Variants in C10orf90 observed in about 807,000 individuals in gnomAD.
C10orf90 encodes chromosome 10 open reading frame 90.
In C10orf90, 56 loss-of-function variants were observed where a neutral mutation model predicts 62.5. That is an observed-to-expected ratio of 0.90 (90% confidence interval 0.72 to 1.12). The LOEUF is 1.12. C10orf90 is among the 50% of genes most tolerant of loss of function. The pLI is 0.00. For missense variants in C10orf90, 970 were observed against 880.4 expected (o/e 1.10, Z -1.29); for synonymous variants, 386 against 340.4 (o/e 1.13, Z -1.47).
At chr10:126,551,029 CA>C (rs1335725784) in intron 2 of C10orf90, among the ~76,000 whole-genome samples, 1 of 152,150 alleles carries the variant, frequency 6.6e-6, no homozygotes, top group Admixed American at 6.5e-5. Context: ...CCTAACATCT[CA>C]ATCATTACAT....
At position 126,515,167 on chromosome 10, in the gene C10orf90, T is replaced by C. The variant is rs1030166310; in HGVS notation, c.314-1228A>G. Reference sequence around the variant, plus strand: ...ATATGACAGTGGTCCAATAAGATTATAATGGAGCTGAAAAATTCTTATCAC... The same window carrying C: ...ATATGACAGTGGTCCAATAAGATTACAATGGAGCTGAAAAATTCTTATCAC... On this transcript the variant is annotated intron_variant, in intron 2 of 9. Transcript: ENST00000488181. Among the ~76,000 whole-genome samples, 5 of 152,328 alleles carry C rather than the reference T, an allele frequency of 3.3e-5. No homozygotes were observed. The East Asian group carries it at 9.7e-4, about 29-fold the overall frequency.
At chr10:126,502,598 A>G (rs1216129358) in intron 4 of C10orf90, 1 of 246,606 alleles carries the variant, frequency 4.1e-6, no homozygotes, top group Non-Finnish European at 8.2e-6. Context: ...TTATTAATGA[A>G]GAGCCTTTGG....
At chr10:126,661,202 A>G (rs1191561415) in intron 1 of C10orf90, among the ~76,000 whole-genome samples, 1 of 152,212 alleles carries the variant, frequency 6.6e-6, no homozygotes, top group Non-Finnish European at 1.5e-5. Context: ...TCTTTGTGCC[A>G]TGGCTCTATG....
chr10:126,534,925 C>A (rs1456105686), intron 2 of C10orf90, among the ~76,000 whole-genome samples: 1 of 152,178 alleles, frequency 6.6e-6, no homozygotes, highest in African/African-American at 2.4e-5. Flanking sequence ...CGCCTCCTGG[C>A]AGCAGTGGGC....
chr10:126,524,162 T>TG (rs1276200543), intron 2 of C10orf90, among the ~76,000 whole-genome samples: 4 of 152,070 alleles, frequency 2.6e-5, no homozygotes, highest in African/African-American at 9.7e-5. Context: ...GAGAGGTGGG[T>TG]GGGGGTGGCA....
intron 2 of C10orf90, among the ~76,000 whole-genome samples, chr10:126,576,767 A>G (rs1844634605): frequency 7.1e-6 from 1 of 139,916 alleles, no homozygotes; most frequent in African/African-American, 2.6e-5. Context: ...TAATATGTAT[A>G]TGTACATATA....
intron 2 of C10orf90, among the ~76,000 whole-genome samples, chr10:126,576,731 T>A (rs1433510349): frequency 0.015 from 569 of 38,524 alleles, 63 homozygotes; most frequent in African/African-American, 0.057. Flanking sequence ...TATACATATA[T>A]ATGTATATGT....
chr10:126,436,876 A>G (rs971334640), intron 7 of C10orf90, among the ~76,000 whole-genome samples: 1 of 151,962 alleles, frequency 6.6e-6, no homozygotes, highest in Non-Finnish European at 1.5e-5. Context: ...GTTGCCCAAG[A>G]TGGTCTTAAA....
At chr10:126,429,415 AAT>A (rs1196299923) in intron 8 of C10orf90, among the ~76,000 whole-genome samples, 18 of 152,176 alleles carry the variant, frequency 1.2e-4, no homozygotes, top group African/African-American at 4.3e-4. Context: ...CCTTAGGAGA[AAT>A]AGTTTCTCTC....
rs773574113 is a variant in C10orf90 at position 126,504,547 on chromosome 10, T to C, written c.944A>G (p.Glu315Gly). 6 of 1,614,192 alleles carry C rather than the reference T, an allele frequency of 3.7e-6. No individual in the cohort carries two copies. The highest frequency in any genetic ancestry group is 5.1e-6 in the Non-Finnish European group (6 of 1,180,024). Residue 315 changes from glutamate to glycine, a missense_variant, in exon 4 of 10, where the codon GAG (glutamate) becomes GGG (glycine). Transcript: ENST00000488181. The surrounding 1 kb of genome is among the most constrained non-coding windows in gnomAD (Gnocchi z 4.1). ...ATGGGTGACCCAGTACTTGCGTCTC[T>C]CACACAACCCAGTGTGGGCCTCGGG... ...KVPEAHTGLC[E>G]RRKYWVTHAD... is the part of the protein sequence containing the mutation.
At chr10:126,625,588 G>A (rs561145598) in intron 2 of C10orf90, among the ~76,000 whole-genome samples, 77 of 152,274 alleles carry the variant, frequency 5.1e-4, no homozygotes, top group East Asian at 9.7e-4. Context: ...AACTCTGAGC[G>A]CAGAGCAAGA....
At chr10:126,449,156 A>C (rs2134060794) in intron 7 of C10orf90, among the ~76,000 whole-genome samples, 1 of 152,304 alleles carries the variant, frequency 6.6e-6, no homozygotes, top group East Asian at 1.9e-4. Flanking sequence ...CTAGCAAACA[A>C]AATTCAATAG....
At chr10:126,575,217 G>C (rs1591112716) in intron 2 of C10orf90, among the ~76,000 whole-genome samples, 1 of 152,016 alleles carries the variant, frequency 6.6e-6, no homozygotes, top group East Asian at 1.9e-4. Flanking sequence ...AATTGTCCCT[G>C]TTTGAACACA....
intron 2 of C10orf90, among the ~76,000 whole-genome samples, chr10:126,552,081 G>A (rs1478546187): frequency 2.0e-5 from 3 of 152,150 alleles, no homozygotes; most frequent in African/African-American, 7.2e-5. Context: ...AGAAACTTGG[G>A]GTAAGAAGTG....
intron 2 of C10orf90, among the ~76,000 whole-genome samples, chr10:126,627,000 C>CTTT (rs61226052): frequency 0.4 from 47,094 of 118,132 alleles, 8,983 homozygotes; most frequent in Middle Eastern, 0.52. Context: ...TTTTTCTTTT[C>CTTT]TTTTTTTTTT....
intron 1 of C10orf90, among the ~76,000 whole-genome samples, chr10:126,651,904 A>C (rs548306713): frequency 6.6e-6 from 1 of 152,308 alleles, no homozygotes; most frequent in South Asian, 2.1e-4. Flanking sequence ...TGTCTCCTCC[A>C]AGGGATGTAG....
intron 2 of C10orf90, among the ~76,000 whole-genome samples, chr10:126,604,567 T>C (rs1303387935): frequency 3.3e-5 from 5 of 152,186 alleles, no homozygotes; most frequent in Non-Finnish European, 7.3e-5. Flanking sequence ...AATGTGGACG[T>C]GGTCTCTTCC....
chr10:126,530,034 A>G (rs1864050946), intron 2 of C10orf90, among the ~76,000 whole-genome samples: 2 of 152,210 alleles, frequency 1.3e-5, no homozygotes, highest in Admixed American at 6.5e-5. Context: ...ATCTACATTA[A>G]AAAACCTCTT....
At chr10:126,494,432 C>T (rs1204227571) in intron 4 of C10orf90, among the ~76,000 whole-genome samples, 1 of 152,058 alleles carries the variant, frequency 6.6e-6, no homozygotes, top group Non-Finnish European at 1.5e-5. Flanking sequence ...ACATTTGTTG[C>T]CCCATGGGTC....
Sources: gnomAD v4.1 joint callset for allele counts (sites outside exome capture counted in the v4.1 genomes callset) on GRCh38, gnomAD v4.1.1 for gene constraint, Gnocchi (gnomAD v3.1) non-coding constraint, MANE v1.5 for transcripts, NCBI Gene and HGNC (gene_info 2026-07-23, HGNC 2026-07-21) for gene names.